Variants in PDE4D observed in about 807,000 individuals in gnomAD.
The protein encoded by PDE4D is phosphodiesterase 4D, also known as 3',5'-cyclic-AMP phosphodiesterase 4D.
PDE4D carries 24 observed loss-of-function variants against 87.4 expected under a neutral mutation model. That is an observed-to-expected ratio of 0.27 (90% confidence interval 0.20 to 0.39). PDE4D has a LOEUF of 0.39. Ranked by LOEUF, PDE4D falls within the 10% of genes least tolerant of loss-of-function variation. The probability of loss-of-function intolerance (pLI) is 1.00; values close to 1 mark genes in which losing one functional copy is unlikely to be tolerated. For missense variants in PDE4D, 714 were observed against 1,041.0 expected (o/e 0.69, Z 4.32); for synonymous variants, 384 against 383.2 (o/e 1.00, Z -0.02).
chr5:59,946,116 A>T (rs1757698247), intron 3 of PDE4D, among the ~76,000 whole-genome samples: 1 of 152,138 alleles, frequency 6.6e-6, no homozygotes, highest in Non-Finnish European at 1.5e-5. Flanking sequence ...TGCCTTCCAT[A>T]CTGTAGATGG....
intron 6 of PDE4D, among the ~76,000 whole-genome samples, chr5:58,994,852 A>C (rs1748821791): frequency 6.6e-6 from 1 of 151,848 alleles, no homozygotes; most frequent in African/African-American, 2.4e-5. Flanking sequence ...ATGCCAGCGT[A>C]GTCAAAAACA....
At position 60,359,620 on chromosome 5, in the gene PDE4D, T is replaced by C. The variant is rs549929742; in HGVS notation, c.-90+128322A>G. On this transcript the variant is annotated intron_variant, in intron 1 of 16. Transcript: ENST00000502484. Reference sequence around the variant, plus strand: ...ACAAAAAGGAAAATTGCTTGTTCCCTAAAGACTTCTTAAAATATTTGCTCA... The same window carrying C: ...ACAAAAAGGAAAATTGCTTGTTCCCCAAAGACTTCTTAAAATATTTGCTCA... Among the ~76,000 whole-genome samples, 5 of 152,298 alleles carry C rather than the reference T, an allele frequency of 3.3e-5. No individual in the cohort carries two copies. The South Asian group carries it at 1.0e-3, about 32-fold the overall frequency.
At chr5:60,107,953 C>T (rs943719765) in intron 2 of PDE4D, among the ~76,000 whole-genome samples, 4 of 152,152 alleles carry the variant, frequency 2.6e-5, no homozygotes, top group African/African-American at 9.7e-5. Flanking sequence ...TGGCACAAGA[C>T]AGGGATGCCT....
At chr5:60,427,691 G>T (rs1743840224) in intron 1 of PDE4D, among the ~76,000 whole-genome samples, 1 of 152,124 alleles carries the variant, frequency 6.6e-6, no homozygotes, top group African/African-American at 2.4e-5. Flanking sequence ...TTTCCTTAAA[G>T]ACTACTATTT....
At position 60,324,826 on chromosome 5, in the gene PDE4D, C is replaced by T. The variant is rs181957518; in HGVS notation, c.-89-139139G>A. Among the ~76,000 whole-genome samples, 305 of 152,284 alleles carry T rather than the reference C, an allele frequency of 2.0e-3. 1 individual carries two copies. The highest frequency in any genetic ancestry group is 3.4e-3 in the Non-Finnish European group (234 of 68,018). The stretch of plus-strand genomic sequence containing the variant: ...GGTTACTGTGAACCTCATATGGTTT[C>T]ACCGTAGGATTTGTGAGATAATCCT... On this transcript the variant is annotated intron_variant, in intron 1 of 16. Transcript: ENST00000502484.
At chr5:59,834,150 T>A (rs954102714) in intron 1 of PDE4D, among the ~76,000 whole-genome samples, 2 of 151,958 alleles carry the variant, frequency 1.3e-5, no homozygotes, top group African/African-American at 4.8e-5. Context: ...TCTAAGCAAA[T>A]ACACCCACTG....
chr5:60,332,664 G>A (rs1023821328), intron 1 of PDE4D, among the ~76,000 whole-genome samples: 2 of 152,040 alleles, frequency 1.3e-5, no homozygotes. Flanking sequence ...CCACATAATT[G>A]ACCAAAATAT....
chr5:59,671,317 T>TC, intron 1 of PDE4D, among the ~76,000 whole-genome samples: 1 of 152,090 alleles, frequency 6.6e-6, no homozygotes, highest in Non-Finnish European at 1.5e-5. Flanking sequence ...AAAAAAATAG[T>TC]AACTTCTCTA....
At chr5:59,690,532 C>G (rs1419018423) in intron 1 of PDE4D, among the ~76,000 whole-genome samples, 1 of 152,170 alleles carries the variant, frequency 6.6e-6, no homozygotes, top group Non-Finnish European at 1.5e-5. Flanking sequence ...AAAGCTGAAA[C>G]TGGATCTCTT....
At position 59,507,020 on chromosome 5, in the gene PDE4D, A is replaced by G. The variant is rs182273036; in HGVS notation, c.456-291052T>C. ...TGATTTGTAATAGTTTCAAATAAAA[A>G]TAAAACAAATATTTACCAATAATAA... On this transcript the variant is annotated intron_variant, in intron 1 of 14. Coordinates refer to ENST00000340635, the MANE Select transcript of PDE4D (RefSeq NM_001104631.2). 2.0e-5 allele frequency among the ~76,000 whole-genome samples: 3 copies of G among 152,322 alleles called. No individual in the cohort carries two copies. The East Asian group carries it at 5.8e-4, about 29-fold the overall frequency.
intron 1 of PDE4D, among the ~76,000 whole-genome samples, chr5:60,200,374 G>A (rs1741764281): frequency 6.6e-6 from 1 of 151,400 alleles, no homozygotes; most frequent in Non-Finnish European, 1.5e-5. Context: ...CATTGAAGAG[G>A]AGAAAAACAG....
intron 1 of PDE4D, among the ~76,000 whole-genome samples, chr5:60,519,053 C>T (rs935132661): frequency 2.0e-5 from 3 of 152,118 alleles, no homozygotes; most frequent in Non-Finnish European, 4.4e-5. Context: ...GTGGTTTCTC[C>T]ACAGAGCTGT....
chr5:59,816,896 A>G (rs909063514), intron 1 of PDE4D, among the ~76,000 whole-genome samples: 1 of 152,206 alleles, frequency 6.6e-6, no homozygotes, highest in Non-Finnish European at 1.5e-5. Context: ...ATGAATTTCC[A>G]AATGCAAATT....
At chr5:59,929,824 C>A (rs1489816302) in intron 3 of PDE4D, among the ~76,000 whole-genome samples, 1 of 152,138 alleles carries the variant, frequency 6.6e-6, no homozygotes, top group Non-Finnish European at 1.5e-5. Flanking sequence ...CACCTCTTCC[C>A]AGGGAAAATG....
chr5:59,714,282 G>A (rs570298169), intron 1 of PDE4D, among the ~76,000 whole-genome samples: 1 of 152,340 alleles, frequency 6.6e-6, no homozygotes, highest in South Asian at 2.1e-4. Flanking sequence ...GCAATTCCAG[G>A]AAATGCAGAA....
chr5:58,974,601 A>T lies in PDE4D; in HGVS notation c.*63T>A. On this transcript the variant is annotated 3_prime_UTR_variant, in exon 15 of 15. Transcript: ENST00000340635. ...GGTGTGACCGTGGTTGTGGCATGTG[A>T]CATGCACTTTGGAAACAATTTTTCT... The T allele has an allele frequency of 6.9e-7, 1 of 1,448,754 alleles. No homozygotes were observed. The highest frequency in any genetic ancestry group is 9.3e-7 in the Non-Finnish European group (1 of 1,074,982). 89.7% of individuals were successfully genotyped at this position (1,448,754 alleles called of 1,614,324 possible). A position where few individuals can be genotyped will look rare whatever the true frequency, so the allele number is the denominator to read the frequency against.
chr5:59,829,802 A>G (rs1328438477), intron 1 of PDE4D, among the ~76,000 whole-genome samples: 1 of 151,974 alleles, frequency 6.6e-6, no homozygotes, highest in African/African-American at 2.4e-5. Flanking sequence ...TGCATTTCCC[A>G]TATTACTTAA....
At chr5:59,789,579 A>G (rs969838768) in intron 1 of PDE4D, among the ~76,000 whole-genome samples, 3 of 152,258 alleles carry the variant, frequency 2.0e-5, no homozygotes, top group African/African-American at 7.2e-5. Flanking sequence ...ATATTTAATT[A>G]GTCATTATAT....
At chr5:59,686,714 T>C (rs1749928661) in intron 1 of PDE4D, among the ~76,000 whole-genome samples, 1 of 152,164 alleles carries the variant, frequency 6.6e-6, no homozygotes. Context: ...CAGAGCACTC[T>C]ACTGTACAGC....
Sources: allele counts gnomAD v4.1 joint callset (sites outside exome capture counted in the v4.1 genomes callset), GRCh38; gene constraint gnomAD v4.1.1; transcripts MANE v1.5; gene names NCBI Gene and HGNC (gene_info 2026-07-23, HGNC 2026-07-21).